Variants in OPCML observed in about 807,000 individuals in gnomAD.
The protein encoded by OPCML is opioid-binding protein/cell adhesion molecule.
Under a neutral mutation model 37.8 loss-of-function variants are expected in OPCML, and 13 were observed. That is an observed-to-expected ratio of 0.34 (90% CI 0.22 to 0.55). The LOEUF (loss-of-function observed/expected upper bound fraction) is 0.55. Ranked by LOEUF, OPCML falls within the 20% of genes least tolerant of loss-of-function variation. The probability of loss-of-function intolerance (pLI) is 0.91; values close to 1 mark genes in which losing one functional copy is unlikely to be tolerated. For synonymous variants in OPCML, 176 were observed against 168.8 expected, an observed-to-expected ratio of 1.04 and a Z score of -0.33; for missense variants, 341 against 435.6, an observed-to-expected ratio of 0.78 and a Z score of 1.93.
intron 1 of OPCML, among the ~76,000 whole-genome samples, chr11:133,519,315 T>C (rs960994142): frequency 6.6e-6 from 1 of 152,206 alleles, no homozygotes; most frequent in African/African-American, 2.4e-5. Flanking sequence ...TCTGAAAGCA[T>C]AATTAACATA....
At chr11:132,836,730 C>T (rs4245112) in intron 2 of OPCML, among the ~76,000 whole-genome samples, 39,244 of 151,982 alleles carry the variant, frequency 0.26, 5,418 homozygotes, top group Non-Finnish European at 0.29. Context: ...AGGATATGTA[C>T]GGCATGACTG....
intron 2 of OPCML, among the ~76,000 whole-genome samples, chr11:132,734,208 C>A (rs1248641130): frequency 6.6e-6 from 1 of 152,166 alleles, no homozygotes; most frequent in African/African-American, 2.4e-5. Context: ...TTTGTGATAG[C>A]CAGGCCCCCA....
At chr11:133,197,747 A>G (rs1249291444) in intron 1 of OPCML, among the ~76,000 whole-genome samples, 1 of 152,190 alleles carries the variant, frequency 6.6e-6, no homozygotes, top group Non-Finnish European at 1.5e-5. Flanking sequence ...CTGAGTCACC[A>G]TCTCTTTCAC....
At chr11:133,027,164 G>A (rs888666776) in intron 1 of OPCML, among the ~76,000 whole-genome samples, 1 of 152,176 alleles carries the variant, frequency 6.6e-6, no homozygotes, top group African/African-American at 2.4e-5. Flanking sequence ...GACTTTCACA[G>A]TTTCAACACT....
At chr11:133,251,971 A>C (rs2136435562) in intron 1 of OPCML, among the ~76,000 whole-genome samples, 1 of 152,278 alleles carries the variant, frequency 6.6e-6, no homozygotes, top group South Asian at 2.1e-4. Context: ...GTCTGATTTC[A>C]CAGCTGTTGT....
chr11:133,373,037 A>G (rs1410068130), intron 1 of OPCML, among the ~76,000 whole-genome samples: 1 of 152,168 alleles, frequency 6.6e-6, no homozygotes, highest in African/African-American at 2.4e-5. Context: ...AGTTCATAAT[A>G]AGAAGTTTCA....
intron 1 of OPCML, among the ~76,000 whole-genome samples, chr11:133,165,746 C>A (rs1950200840): frequency 6.6e-6 from 1 of 152,134 alleles, no homozygotes; most frequent in Admixed American, 6.5e-5. Flanking sequence ...GGCCCTCTCT[C>A]CTCCCCAGGC....
chr11:132,559,343 G>T (rs2096405323), intron 3 of OPCML, among the ~76,000 whole-genome samples: 1 of 152,174 alleles, frequency 6.6e-6, no homozygotes, highest in Non-Finnish European at 1.5e-5. Context: ...AAGGGAAAAG[G>T]AGGGGTGGAA....
In OPCML at chr11:132,940,361, G is replaced by A. The variant is rs371260066; in HGVS notation, c.146+2565C>T. Among the ~76,000 whole-genome samples, 234 of 152,306 alleles carry A rather than the reference G, an allele frequency of 1.5e-3. 1 individual carries two copies. In the South Asian group the frequency reaches 0.017, roughly 11 times the overall value. On this transcript the variant is annotated intron_variant, in intron 2 of 7. Coordinates refer to ENST00000524381, the MANE Select transcript of OPCML (RefSeq NM_001012393.5). Reference sequence around the variant, plus strand: ...GGACAACCACATTAAAAGAGCTTTCGTGTGATGGGCATGGGTATCATTCAG... The same window carrying A: ...GGACAACCACATTAAAAGAGCTTTCATGTGATGGGCATGGGTATCATTCAG...
chr11:133,463,954 T>A (rs957938551), intron 1 of OPCML, among the ~76,000 whole-genome samples: 1 of 150,962 alleles, frequency 6.6e-6, no homozygotes, highest in Non-Finnish European at 1.5e-5. Flanking sequence ...AACATATCTT[T>A]GTGTTCTATT....
intron 2 of OPCML, among the ~76,000 whole-genome samples, chr11:132,758,565 G>T (rs138285877): frequency 6.6e-6 from 1 of 152,100 alleles, no homozygotes; most frequent in South Asian, 2.1e-4. Context: ...TGTAGCTATT[G>T]TGAATGGGAG....
intron 1 of OPCML, among the ~76,000 whole-genome samples, chr11:133,319,500 G>T (rs1943280763): frequency 6.6e-6 from 1 of 152,188 alleles, no homozygotes; most frequent in Admixed American, 6.5e-5. Context: ...CAACGCTTCT[G>T]TGATCTTCCA....
At chr11:132,669,185 G>A (rs1036189142) in intron 2 of OPCML, among the ~76,000 whole-genome samples, 10 of 151,984 alleles carry the variant, frequency 6.6e-5, no homozygotes, top group African/African-American at 2.2e-4. Flanking sequence ...CTTGGACAGC[G>A]TCAGTGTATA....
intron 2 of OPCML, among the ~76,000 whole-genome samples, chr11:132,932,781 T>C (rs912439075): frequency 7.3e-5 from 11 of 151,480 alleles, no homozygotes; most frequent in African/African-American, 2.7e-4. Context: ...CTTGCTGCAA[T>C]GTAAAACTTT....
chr11:132,711,487 C>T (rs930507884), intron 2 of OPCML, among the ~76,000 whole-genome samples: 2 of 152,210 alleles, frequency 1.3e-5, no homozygotes, highest in African/African-American at 4.8e-5. Flanking sequence ...TTGATTCTCA[C>T]ACTTGCCCCT....
intron 1 of OPCML, among the ~76,000 whole-genome samples, chr11:133,290,265 G>T (rs553788785): frequency 6.6e-6 from 1 of 152,158 alleles, no homozygotes; most frequent in African/African-American, 2.4e-5. Flanking sequence ...AATGAGGGAT[G>T]GTAGAGTTGC....
chr11:132,617,823 C>A (rs1221151703), intron 3 of OPCML, among the ~76,000 whole-genome samples: 1 of 152,206 alleles, frequency 6.6e-6, no homozygotes, highest in Non-Finnish European at 1.5e-5. Flanking sequence ...GACACCAGTT[C>A]CGTCAGATTG....
At chr11:132,587,704 C>T (rs1179134199) in intron 3 of OPCML, among the ~76,000 whole-genome samples, 1 of 152,186 alleles carries the variant, frequency 6.6e-6, no homozygotes, top group Non-Finnish European at 1.5e-5. Flanking sequence ...ATGAGAATTC[C>T]ATGATTCTAC....
At chr11:132,967,611 G>T (rs1946244005) in intron 1 of OPCML, among the ~76,000 whole-genome samples, 1 of 152,132 alleles carries the variant, frequency 6.6e-6, no homozygotes, top group African/African-American at 2.4e-5. Context: ...TATATTATAA[G>T]CACAACAATA....
Sources: allele counts gnomAD v4.1 joint callset (sites outside exome capture counted in the v4.1 genomes callset), GRCh38; gene constraint gnomAD v4.1.1; transcripts MANE v1.5; gene names NCBI Gene and HGNC (gene_info 2026-07-23, HGNC 2026-07-21).